The following NDST4 variants were observed in gnomAD, a reference collection of about 807,000 sequenced individuals.
The protein encoded by NDST4 is N-heparan sulfate sulfotransferase 4.
A neutral mutation model predicts 100.8 loss-of-function variants in NDST4; 63 were observed. The ratio of observed to expected loss-of-function variants is 0.62; its 90% CI spans 0.51 to 0.77. The LOEUF is 0.77. NDST4 is among the 30% of genes least tolerant of loss of function. The pLI is 0.00. For synonymous variants in NDST4, 377 were observed against 361.8 expected (o/e 1.04, Z -0.48); for missense variants, 943 against 1,018.4 (o/e 0.93, Z 1.01).
chr4:114,907,223 C>A (rs1221285565), intron 6 of NDST4, among the ~76,000 whole-genome samples: 2 of 151,472 alleles, frequency 1.3e-5, no homozygotes, highest in East Asian at 3.9e-4. Flanking sequence ...TCATGCTTGT[C>A]CTTGGATTCA....
intron 6 of NDST4, among the ~76,000 whole-genome samples, chr4:114,875,653 C>A (rs1482296436): frequency 1.3e-5 from 2 of 152,002 alleles, no homozygotes; most frequent in Non-Finnish European, 2.9e-5. Context: ...TATTTAATTG[C>A]AAATTATACA....
chr4:115,093,367 C>G (rs1405777876), intron 1 of NDST4, among the ~76,000 whole-genome samples: 4 of 151,804 alleles, frequency 2.6e-5, no homozygotes, highest in Admixed American at 1.3e-4. Context: ...CCCAGCTACT[C>G]TAGAGGCTGA....
intron 2 of NDST4, among the ~76,000 whole-genome samples, chr4:114,981,336 T>C (rs891114223): frequency 3.3e-5 from 5 of 152,170 alleles, no homozygotes; most frequent in African/African-American, 1.2e-4. Flanking sequence ...GATAAAGCAG[T>C]AATGGTATTC....
In NDST4 at chr4:114,829,813, T is replaced by G. The variant is rs200728608; in HGVS notation, c.2476A>C (p.Lys826Gln). 7.1e-5 allele frequency: 115 copies of G among 1,611,362 alleles called. 1 individual carries two copies. In the East Asian group the frequency reaches 2.4e-3, roughly 33 times the overall value. The stretch of plus-strand genomic sequence containing the variant: ...ACCTCTGGATCCATAGGTGGATATT[T>G]TCGGCCTTTGCTTTTTCCAAGGCAT... ...TKCLGKSKGRKYPPMDPESRT... is the reference protein window; with the variant it reads ...TKCLGKSKGRQYPPMDPESRT... The change falls in exon 13 of 14, where the codon AAA becomes CAA. Residue 826 changes from lysine to glutamine, a missense_variant. Lys to Gln is a moderately conservative substitution (Grantham distance 53). Around this residue, in one of 2 missense-constraint regions of NDST4, gnomAD observed 526 missense variants for 634.1 expected, o/e 0.83. Coordinates refer to ENST00000264363, the MANE Select transcript of NDST4 (RefSeq NM_022569.3).
chr4:115,103,253 A>G (rs181855370), intron 1 of NDST4, among the ~76,000 whole-genome samples: 1 of 152,304 alleles, frequency 6.6e-6, no homozygotes, highest in Admixed American at 6.5e-5. Context: ...ACAAAAAGCT[A>G]TAAATTTTAA....
At chr4:114,918,845 T>C (rs1469380789) in intron 6 of NDST4, among the ~76,000 whole-genome samples, 1 of 152,188 alleles carries the variant, frequency 6.6e-6, no homozygotes, top group Admixed American at 6.5e-5. Context: ...CTCACTTTGT[T>C]CCTTGGAAAG....
At chr4:114,993,179 G>A (rs1449558343) in intron 2 of NDST4, among the ~76,000 whole-genome samples, 1 of 151,730 alleles carries the variant, frequency 6.6e-6, no homozygotes, top group Non-Finnish European at 1.5e-5. Context: ...AAATATTTTT[G>A]CTTATTATTC....
In NDST4 at chr4:115,076,115, T is replaced by C. The variant is rs1284729229; in HGVS notation, c.922A>G (p.Ile308Val). 3 of 1,613,776 alleles carry C rather than the reference T, an allele frequency of 1.9e-6. No individual in the cohort carries two copies. The highest frequency in any genetic ancestry group is 2.5e-6 in the Non-Finnish European group (3 of 1,179,834). The change falls in exon 2 of 14, where the codon ATT becomes GTT. Residue 308 changes from isoleucine to valine, a missense_variant. Transcript: ENST00000264363. ...LSLDRYILVD[I>V]DDIFVGKEGT... The stretch of plus-strand genomic sequence containing the variant: ...TCTTTCCCAACAAATATATCATCAA[T>C]GTCCACAAGGATGTACCTGTCCAAG...
At chr4:115,028,606 G>C (rs761307090) in intron 2 of NDST4, among the ~76,000 whole-genome samples, 13 of 151,816 alleles carry the variant, frequency 8.6e-5, no homozygotes, top group Non-Finnish European at 1.6e-4. Context: ...AAAGAGAGGA[G>C]CTACAGTAAA....
Position 114,839,552 on chromosome 4 carries a change from T to C in NDST4, c.2116-4A>G. The stretch of plus-strand genomic sequence containing the variant: ...GATCTTCATGTGATCGTTGGTGCTT[T>C]AACAAGAAAGTCAATTGTAAAGTTA... On this transcript the variant is annotated splice_polypyrimidine_tract_variant and splice_region_variant and intron_variant, in intron 10 of 13. Transcript: ENST00000264363. The C allele has an allele frequency of 2.0e-5, 33 of 1,612,928 alleles. No individual in the cohort carries two copies. The highest frequency in any genetic ancestry group is 2.8e-5 in the Non-Finnish European group (33 of 1,179,202).
intron 4 of NDST4, among the ~76,000 whole-genome samples, chr4:114,943,373 C>T (rs1050155628): frequency 2.6e-5 from 4 of 151,916 alleles, no homozygotes; most frequent in Non-Finnish European, 5.9e-5. Context: ...AGCATTAACT[C>T]ATCCAATGGT....
At chr4:114,843,730 G>C (rs911469104) in intron 10 of NDST4, among the ~76,000 whole-genome samples, 1 of 152,106 alleles carries the variant, frequency 6.6e-6, no homozygotes, top group South Asian at 2.1e-4. Flanking sequence ...CTGCACTCCT[G>C]AATTTTTTTC....
chr4:114,988,801 G>A (rs151081439), intron 2 of NDST4, among the ~76,000 whole-genome samples: 5 of 151,960 alleles, frequency 3.3e-5, no homozygotes, highest in Non-Finnish European at 5.9e-5. Flanking sequence ...TCAGTGCACC[G>A]CCAGTAGGAT....
intron 4 of NDST4, among the ~76,000 whole-genome samples, chr4:114,968,753 A>T (rs539746716): frequency 1.3e-3 from 195 of 152,300 alleles, no homozygotes; most frequent in African/African-American, 2.2e-3. Context: ...AAATGTTTTT[A>T]AAAAAGGCTT....
rs528976057 is a variant in NDST4, at chr4:115,106,965, G to GGC, written c.-247+6477_-247+6478dup. ...AGGCCAGGAAATCGAGGCCAGCGTG[G>GGC]GCAACATGACACCCCATCTTTACAA... On this transcript the variant is annotated intron_variant, in intron 1 of 13. Coordinates refer to ENST00000264363, the MANE Select transcript of NDST4 (RefSeq NM_022569.3). 3.6e-3 allele frequency among the ~76,000 whole-genome samples: 543 copies of GGC among 152,054 alleles called. 6 individuals are homozygous for GGC. The highest frequency in any genetic ancestry group is 0.012 in the African/African-American group (515 of 41,464).
chr4:114,868,549 A>G (rs1301501370), intron 7 of NDST4, among the ~76,000 whole-genome samples: 1 of 152,076 alleles, frequency 6.6e-6, no homozygotes. Context: ...AATCTCATGT[A>G]TCTGAATAAT....
chr4:115,028,566 CAA>C (rs557583232), intron 2 of NDST4, among the ~76,000 whole-genome samples: 7 of 130,480 alleles, frequency 5.4e-5, no homozygotes, highest in African/African-American at 1.1e-4. Context: ...AAGAGAATAC[CAA>C]AAAAAAAAAA....
intron 6 of NDST4, among the ~76,000 whole-genome samples, chr4:114,890,091 T>C (rs930416473): frequency 6.6e-6 from 1 of 152,106 alleles, no homozygotes; most frequent in Non-Finnish European, 1.5e-5. Context: ...TTTTAATGCA[T>C]GTGTACAAAT....
chr4:114,920,152 T>C (rs1028024203), intron 6 of NDST4, among the ~76,000 whole-genome samples: 4 of 152,180 alleles, frequency 2.6e-5, no homozygotes, highest in African/African-American at 9.6e-5. Flanking sequence ...TTGACATATA[T>C]GTATTTTTAA....
Sources: gnomAD v4.1 joint callset for allele counts (sites outside exome capture counted in the v4.1 genomes callset) on GRCh38, gnomAD v4.1.1 for gene constraint, gnomAD v4.1.1 regional missense constraint, MANE v1.5 for transcripts, NCBI Gene and HGNC (gene_info 2026-07-23, HGNC 2026-07-21) for gene names.